The following YARS1 variants were observed in gnomAD, a reference collection of about 807,000 sequenced individuals.
YARS1 encodes tyrosine--tRNA ligase, cytoplasmic.
YARS1 carries 36 observed loss-of-function variants against 62.2 expected under a neutral mutation model. That is an observed-to-expected ratio of 0.58 (90% CI 0.44 to 0.76). The LOEUF (loss-of-function observed/expected upper bound fraction) is 0.76, where lower values mean the gene tolerates loss of function less well. Ranked by LOEUF, YARS1 falls within the 30% of genes least tolerant of loss-of-function variation. YARS1 has a pLI of 0.00. For missense variants in YARS1, 524 were observed against 639.8 expected, an observed-to-expected ratio of 0.82 and a Z score of 1.95; for synonymous variants, 234 against 244.9, an observed-to-expected ratio of 0.96 and a Z score of 0.42.
At chr1:32,790,151 G>A (rs571534220) in intron 6 of YARS1, among the ~76,000 whole-genome samples, 24 of 148,932 alleles carry the variant, frequency 1.6e-4, no homozygotes, top group African/African-American at 5.9e-4. Context: ...CCAAGGTGCT[G>A]GGATTACAGG....
chr1:32,795,824 T>C (rs1653565045), intron 5 of YARS1, among the ~76,000 whole-genome samples: 1 of 150,450 alleles, frequency 6.6e-6, no homozygotes, highest in Non-Finnish European at 1.5e-5. Context: ...AAAAAAAAGA[T>C]TTTAGGCTTT....
At chr1:32,779,726 G>A (rs918632134) in intron 11 of YARS1, 44 of 669,010 alleles carry the variant, frequency 6.6e-5, no homozygotes, top group African/African-American at 6.5e-4. Context: ...CCAAAATTGT[G>A]TGTCAAGATA....
chr1:32,791,090 T>C (rs1228070651), intron 6 of YARS1, 72 bp downstream of exon 6: 3 of 1,370,818 alleles, frequency 2.2e-6, no homozygotes, highest in Non-Finnish European at 3.1e-6. Context: ...GCCAGGTCAC[T>C]GTTCTTTTCA....
At chr1:32,815,663 C>CA (rs1638696253) in intron 1 of YARS1, among the ~76,000 whole-genome samples, 1 of 152,178 alleles carries the variant, frequency 6.6e-6, no homozygotes, top group South Asian at 2.1e-4. Context: ...TGCAAAAAGT[C>CA]AGACACAACA....
chr1:32,802,121 G>A (rs935567457), intron 4 of YARS1, among the ~76,000 whole-genome samples: 9 of 151,662 alleles, frequency 5.9e-5, no homozygotes, highest in Non-Finnish European at 1.2e-4. Flanking sequence ...CTAATTTTTT[G>A]TATTTTTAGT....
intron 4 of YARS1, among the ~76,000 whole-genome samples, chr1:32,802,049 G>A (rs1638315096): frequency 6.9e-6 from 1 of 144,292 alleles, no homozygotes; most frequent in African/African-American, 2.5e-5. Flanking sequence ...CCGGGTTCAC[G>A]CCATTCTCCT....
At chr1:32,812,232 C>T (rs372002307) in intron 1 of YARS1, among the ~76,000 whole-genome samples, 7 of 152,108 alleles carry the variant, frequency 4.6e-5, no homozygotes, top group African/African-American at 1.4e-4. Context: ...AGGCTGGTCT[C>T]GAACTCTTGG....
chr1:32,804,217 C>T (rs1468693987), intron 4 of YARS1, among the ~76,000 whole-genome samples: 1 of 152,268 alleles, frequency 6.6e-6, no homozygotes, highest in East Asian at 1.9e-4. Context: ...ACAAAACCGC[C>T]ATCGTCATCA....
At chr1:32,797,881 A>AT in intron 4 of YARS1, 38 bp from the exon 5 acceptor site, 2 of 1,584,094 alleles carry the variant, frequency 1.3e-6, no homozygotes, top group South Asian at 1.1e-5. Flanking sequence ...CATCTACTTT[A>AT]TTTTTTTGAG....
intron 1 of YARS1, among the ~76,000 whole-genome samples, chr1:32,815,276 G>A (rs1279215163): frequency 3.3e-5 from 5 of 152,130 alleles, no homozygotes; most frequent in African/African-American, 1.2e-4. Flanking sequence ...TTGAGCCCAG[G>A]AGGCAGAGGT....
At chr1:32,805,198 G>A (rs570839665) in intron 4 of YARS1, among the ~76,000 whole-genome samples, 123 of 140,946 alleles carry the variant, frequency 8.7e-4, no homozygotes, top group African/African-American at 3.1e-3. Flanking sequence ...GCCTCGGCTC[G>A]GCATCAGAGG....
At chr1:32,791,401 G>C (rs577820738) in intron 5 of YARS1, 147 bp from the exon 6 acceptor site, 1 of 717,256 alleles carries the variant, frequency 1.4e-6, no homozygotes, top group Non-Finnish European at 2.5e-6. Flanking sequence ...GACAGTGACT[G>C]TAATTCAAGC....
intron 6 of YARS1, among the ~76,000 whole-genome samples, chr1:32,787,469 G>T (rs934265704): frequency 6.6e-6 from 1 of 151,186 alleles, no homozygotes; most frequent in South Asian, 2.1e-4. Flanking sequence ...TTAGGTACTT[G>T]CAGATATTTT....
intron 5 of YARS1, among the ~76,000 whole-genome samples, chr1:32,794,546 C>T (rs1194670799): frequency 1.3e-5 from 2 of 151,950 alleles, no homozygotes; most frequent in Admixed American, 6.5e-5. Flanking sequence ...CACACCACTG[C>T]GTCTGGCTAA....
At position 32,807,482 on chromosome 1, in the gene YARS1, G is replaced by C. The variant is rs139279631; in HGVS notation, c.381-871C>G. Among the ~76,000 whole-genome samples, 129 of 151,358 alleles carry C rather than the reference G, an allele frequency of 8.5e-4. 1 individual carries two copies. Among genetic ancestry groups the C allele is most frequent in the African/African-American group, 3.0e-3 (123 of 41,280 alleles). On this transcript the variant is annotated intron_variant, in intron 3 of 12. Transcript: ENST00000373477. ...CCTTTTATTTTTTTTTTTGAGACAG[G>C]GTCTCACTCTGTCACCTGGGCTGGA...
chr1:32,781,416 A>C, intron 9 of YARS1: 3 of 461,622 alleles, frequency 6.5e-6, no homozygotes, highest in Non-Finnish European at 1.2e-5. Context: ...CATGCATTCC[A>C]CATAGAATTT....
intron 4 of YARS1, among the ~76,000 whole-genome samples, chr1:32,801,938 A>AT (rs1638304661): frequency 2.7e-5 from 3 of 112,918 alleles, no homozygotes; most frequent in East Asian, 2.9e-4. Flanking sequence ...TTCTCTTGTT[A>AT]TTTCTTTTTT....
intron 9 of YARS1, 37 bp from the exon 10 acceptor site, chr1:32,781,182 C>T (rs776007227): frequency 1.1e-4 from 179 of 1,565,634 alleles, no homozygotes; most frequent in Non-Finnish European, 1.6e-4. Context: ...TAGAATTCTT[C>T]CCTGTGGCAG....
rs369477473 is a variant in YARS1 at position 32,780,315 on chromosome 1, G to A, written c.1141-37C>T. 4.4e-5 allele frequency: 71 copies of A among 1,610,206 alleles called. 2 individuals carry two copies. The African/African-American group carries it at 5.3e-4, about 12-fold the overall frequency. On this transcript the variant is annotated intron_variant, in intron 10 of 12. Transcript: ENST00000373477. ...AGACGTCAGGAGGAAGAGGATCATC[G>A]TCCATTAGAGAAGCAGCCTGGTGAA...
Sources: allele counts gnomAD v4.1 joint callset (sites outside exome capture counted in the v4.1 genomes callset), GRCh38; gene constraint gnomAD v4.1.1; transcripts MANE v1.5; gene names NCBI Gene and HGNC (gene_info 2026-07-23, HGNC 2026-07-21).